GALNT2: variants seen among roughly 807,000 people sequenced by gnomAD.
GALNT2 encodes the protein polypeptide N-acetylgalactosaminyltransferase 2.
GALNT2 carries 31 observed loss-of-function variants against 81.4 expected under a neutral mutation model. The observed-to-expected ratio is 0.38, with a 90% CI of 0.29 to 0.51. The LOEUF (loss-of-function observed/expected upper bound fraction) is 0.51, where lower values mean the gene tolerates loss of function less well. Ranked by LOEUF, GALNT2 falls within the 20% of genes least tolerant of loss-of-function variation. The pLI, the probability that GALNT2 is intolerant of heterozygous loss-of-function variation, is 0.87. For synonymous variants in GALNT2, 303 were observed against 287.4 expected, an observed-to-expected ratio of 1.05 and a Z score of -0.55; for missense variants, 629 against 765.7, an observed-to-expected ratio of 0.82 and a Z score of 2.11.
At position 230,203,130 on chromosome 1, in the gene GALNT2, T is replaced by G; in HGVS notation, c.221-7T>G. On this transcript the variant is annotated splice_region_variant and splice_polypyrimidine_tract_variant and intron_variant, in intron 2 of 15. Coordinates refer to ENST00000366672, the MANE Select transcript of GALNT2 (RefSeq NM_004481.5). The stretch of plus-strand genomic sequence containing the variant: ...CTCATCCCTACCCTCTGCTCTGCTC[T>G]TTTTAGGGAAAGTACGGTGGCCAGA... 1 of 1,612,796 alleles carries G rather than the reference T, an allele frequency of 6.2e-7. No individual in the cohort carries two copies. Among genetic ancestry groups the G allele is most frequent in the Non-Finnish European group, 8.5e-7 (1 of 1,178,906 alleles).
chr1:230,102,562 G>A lies in GALNT2; in HGVS notation c.126+35156G>A, dbSNP rs114986805. Among the ~76,000 whole-genome samples, 1,158 of 152,178 alleles carry A rather than the reference G, an allele frequency of 7.6e-3. 22 individuals carry two copies. The highest frequency in any genetic ancestry group is 0.025 in the African/African-American group (1,033 of 41,510). On this transcript the variant is annotated intron_variant, in intron 1 of 15. Coordinates refer to ENST00000366672, the MANE Select transcript of GALNT2 (RefSeq NM_004481.5). ...GTTTATACCTTGGGGGTTCCGTTTC[G>A]AGAGTCCTTGATTTATTATTGTTTA... is the stretch of plus-strand genomic sequence containing the variant.
At chr1:230,237,398 G>A (rs1190547848) in intron 6 of GALNT2, among the ~76,000 whole-genome samples, 2 of 152,230 alleles carry the variant, frequency 1.3e-5, no homozygotes, top group Non-Finnish European at 2.9e-5. Context: ...ATGGTTGGGA[G>A]AAATCTTTCA....
At chr1:230,212,042 G>C (rs938533380) in intron 3 of GALNT2, among the ~76,000 whole-genome samples, 2 of 152,118 alleles carry the variant, frequency 1.3e-5, no homozygotes, top group Non-Finnish European at 2.9e-5. Context: ...GCCTCATAAG[G>C]CACCACCTTG....
chr1:230,175,650 C>T (rs1662956725), intron 1 of GALNT2, among the ~76,000 whole-genome samples: 1 of 144,520 alleles, frequency 6.9e-6, no homozygotes, highest in African/African-American at 2.6e-5. Flanking sequence ...CCCTCTCCCC[C>T]TCCTCCTCCT....
intron 14 of GALNT2, among the ~76,000 whole-genome samples, chr1:230,265,685 C>G (rs970748357): frequency 2.6e-5 from 4 of 152,220 alleles, no homozygotes; most frequent in African/African-American, 9.6e-5. Flanking sequence ...CATGTGCACT[C>G]AACCGCAAAG....
At position 230,096,387 on chromosome 1, in the gene GALNT2, G is replaced by A. The variant is rs1660255649; in HGVS notation, c.126+28981G>A. 2.0e-5 allele frequency among the ~76,000 whole-genome samples: 3 copies of A among 152,160 alleles called. No homozygotes were observed. The South Asian group carries it at 6.2e-4, about 31-fold the overall frequency. The stretch of plus-strand genomic sequence containing the variant: ...TGTTAATATGCATATCTCGTCAAAG[G>A]GAGTCATGGGGGTGGCATGGTTAGA... On this transcript the variant is annotated intron_variant, in intron 1 of 15. Transcript: ENST00000366672.
At position 230,255,216 on chromosome 1, in the gene GALNT2, A is replaced by G; in HGVS notation, c.1010-2A>G. ...TCACCTGTGTCTTGTTCATCGTCTC[A>G]GAGATCTCGTTCCGCGTGTGGCAGT... is the stretch of plus-strand genomic sequence containing the variant. On this transcript the variant is annotated splice_acceptor_variant, in intron 10 of 15. Transcript: ENST00000366672. LOFTEE classifies it high-confidence loss of function. The G allele has an allele frequency of 6.2e-7, 1 of 1,614,170 alleles. No homozygotes were observed. The highest frequency in any genetic ancestry group is 8.5e-7 in the Non-Finnish European group (1 of 1,180,028).
intron 3 of GALNT2, among the ~76,000 whole-genome samples, chr1:230,213,104 A>G (rs1365353431): frequency 6.6e-6 from 1 of 152,240 alleles, no homozygotes; most frequent in Non-Finnish European, 1.5e-5. Context: ...GGGCAAAAGC[A>G]CAATGATGCT....
intron 2 of GALNT2, 90 bp from the exon 3 acceptor site, chr1:230,203,047 G>A: frequency 7.2e-7 from 1 of 1,392,724 alleles, no homozygotes. Flanking sequence ...CCATGGATGT[G>A]ATTTCTGGAG....
chr1:230,246,627 A>G (rs1413841282), intron 8 of GALNT2, among the ~76,000 whole-genome samples: 1 of 152,012 alleles, frequency 6.6e-6, no homozygotes, highest in Non-Finnish European at 1.5e-5. Context: ...CCTCGCCCTC[A>G]CCAAGCCCAC....
At chr1:230,114,866 G>A (rs1273314993) in intron 1 of GALNT2, among the ~76,000 whole-genome samples, 4 of 152,092 alleles carry the variant, frequency 2.6e-5, no homozygotes, top group Non-Finnish European at 4.4e-5. Context: ...TTGAGCAGAA[G>A]GTACAGAGAG....
At chr1:230,224,644 A>C (rs562881812) in intron 3 of GALNT2, among the ~76,000 whole-genome samples, 41 of 152,302 alleles carry the variant, frequency 2.7e-4, no homozygotes, top group South Asian at 2.3e-3. Context: ...GAGAATACTC[A>C]CGTATTCTGG....
intron 1 of GALNT2, among the ~76,000 whole-genome samples, chr1:230,163,075 C>T (rs946324902): frequency 1.3e-5 from 2 of 152,104 alleles, no homozygotes; most frequent in Admixed American, 6.5e-5. Context: ...TCTCCTTGAC[C>T]CCTGCATTTC....
chr1:230,093,252 C>G (rs1408072207), intron 1 of GALNT2, among the ~76,000 whole-genome samples: 1 of 152,190 alleles, frequency 6.6e-6, no homozygotes, highest in Non-Finnish European at 1.5e-5. Flanking sequence ...TCTTAGCCTT[C>G]AAGCTTGATA....
At chr1:230,246,417 C>G (rs1665372967) in intron 8 of GALNT2, among the ~76,000 whole-genome samples, 1 of 152,222 alleles carries the variant, frequency 6.6e-6, no homozygotes, top group Non-Finnish European at 1.5e-5. Flanking sequence ...GTTCCATGAA[C>G]AGATATGGCG....
At chr1:230,274,969 CAT>C (rs34483531) in intron 15 of GALNT2, among the ~76,000 whole-genome samples, 3 of 142,542 alleles carry the variant, frequency 2.1e-5, no homozygotes, top group South Asian at 2.1e-4. Flanking sequence ...ATACACACCA[CAT>C]ATATATACAT....
At chr1:230,114,007 A>G (rs754054386) in intron 1 of GALNT2, among the ~76,000 whole-genome samples, 7 of 152,096 alleles carry the variant, frequency 4.6e-5, no homozygotes, top group Admixed American at 1.3e-4. Context: ...GCTTGACGTG[A>G]TAGAATGAAA....
At chr1:230,152,413 A>T (rs907979080) in intron 1 of GALNT2, among the ~76,000 whole-genome samples, 4 of 152,226 alleles carry the variant, frequency 2.6e-5, no homozygotes, top group Non-Finnish European at 5.9e-5. Context: ...GTAGATCATG[A>T]AACTAATAGA....
intron 15 of GALNT2, among the ~76,000 whole-genome samples, 193 bp downstream of exon 15, chr1:230,274,757 T>C (rs1666241369): frequency 6.6e-6 from 1 of 152,206 alleles, no homozygotes; most frequent in Non-Finnish European, 1.5e-5. Flanking sequence ...TGCTTATTTC[T>C]GATTATATTC....
Sources: allele counts gnomAD v4.1 joint callset (sites outside exome capture counted in the v4.1 genomes callset), GRCh38; gene constraint gnomAD v4.1.1; transcripts MANE v1.5; gene names NCBI Gene and HGNC (gene_info 2026-07-23, HGNC 2026-07-21).